STK32C: variants seen among roughly 807,000 people sequenced by gnomAD.
The protein encoded by STK32C is serine/threonine kinase 32C.
Under a neutral mutation model 56.5 loss-of-function variants are expected in STK32C, and 31 were observed. The observed-to-expected ratio is 0.55, with a 90% CI of 0.41 to 0.74. The LOEUF is 0.74. STK32C is among the 30% of genes least tolerant of loss of function. The pLI is 0.00. For missense variants in STK32C, 544 were observed against 676.9 expected (o/e 0.80, Z 2.18); for synonymous variants, 309 against 289.4 (o/e 1.07, Z -0.69).
intron 2 of STK32C, among the ~76,000 whole-genome samples, chr10:132,239,196 G>C (rs968076058): frequency 6.6e-6 from 1 of 152,210 alleles, no homozygotes; most frequent in Admixed American, 6.5e-5. Flanking sequence ...GAGGGCTCAG[G>C]ACAAGAGCAC....
At chr10:132,328,708 CTT>C (rs1189039745) in intron 1 of STK32C, among the ~76,000 whole-genome samples, 6 of 152,230 alleles carry the variant, frequency 3.9e-5, no homozygotes, top group African/African-American at 7.2e-5. Context: ...GGTCTGATCT[CTT>C]TCACTGTCAT....
intron 1 of STK32C, among the ~76,000 whole-genome samples, chr10:132,299,418 G>A (rs2065849534): frequency 6.6e-6 from 1 of 150,976 alleles, no homozygotes. Context: ...CTAGCAGCAT[G>A]GACAGCTGAT....
chr10:132,232,331 C>T (rs1479695620), intron 2 of STK32C, among the ~76,000 whole-genome samples: 2 of 152,200 alleles, frequency 1.3e-5, no homozygotes, highest in Non-Finnish European at 2.9e-5. Context: ...CATCAAAGTG[C>T]TCTTAGGTGA....
In STK32C at chr10:132,307,567, C is replaced by T. The variant is rs2066117537; in HGVS notation, c.262+5G>A. 1 of 1,550,010 alleles carries T rather than the reference C, an allele frequency of 6.5e-7. No homozygotes were observed. Among genetic ancestry groups the T allele is most frequent in the Non-Finnish European group, 8.7e-7 (1 of 1,151,018 alleles). Reference sequence around the variant, plus strand: ...CCCCCACGTCGTCCCCGTGCCCGCACTCACCGTCCTCCTTGTCGTCAAACA... The same window carrying T: ...CCCCCACGTCGTCCCCGTGCCCGCATTCACCGTCCTCCTTGTCGTCAAACA... On this transcript the variant is annotated splice_donor_5th_base_variant and intron_variant, in intron 1 of 11. Coordinates refer to ENST00000298630, the MANE Select transcript of STK32C (RefSeq NM_173575.4). This position sits in a 1 kb window ranked among gnomAD's most constrained non-coding sequence, Gnocchi z 4.4.
chr10:132,320,455 G>A (rs1216833210), downstream of STK32C, among the ~76,000 whole-genome samples: 3 of 152,122 alleles, frequency 2.0e-5, no homozygotes, highest in Non-Finnish European at 4.4e-5. Context: ...CTTAAGAGTG[G>A]GAAGAGGGTG....
intron 1 of STK32C, among the ~76,000 whole-genome samples, chr10:132,282,940 G>A (rs892169216): frequency 1.3e-4 from 20 of 152,378 alleles, no homozygotes; most frequent in Middle Eastern, 6.8e-3. Context: ...CAGCCCCTCT[G>A]AGGCTGGGGT....
intron 2 of STK32C, among the ~76,000 whole-genome samples, chr10:132,240,936 G>A (rs2063479278): frequency 6.6e-6 from 1 of 152,084 alleles, no homozygotes; most frequent in African/African-American, 2.4e-5. Context: ...ACACGCCTCT[G>A]CCTCCTGATA....
Position 132,207,733 on chromosome 10 carries a change from T to C in STK32C, c.*277A>G. On this transcript the variant is annotated 3_prime_UTR_variant, in exon 12 of 12. Transcript: ENST00000298630. ...CTCCTGTCCCATCCATGGCCCCAGC[T>C]CCCCGTGAGCGGTAAGAGGGCGCCC... The C allele has an allele frequency of 3.0e-6, 1 of 330,240 alleles. No homozygotes were observed. The highest frequency in any genetic ancestry group is 5.4e-6 in the Non-Finnish European group (1 of 184,564). The allele number at this position is 330,240 out of a possible 1,614,324, so 20.5% of individuals were successfully genotyped here.
intron 2 of STK32C, among the ~76,000 whole-genome samples, chr10:132,242,774 C>T (rs1411018585): frequency 1.3e-5 from 2 of 152,222 alleles, no homozygotes; most frequent in East Asian, 3.9e-4. Context: ...AATTCGTATG[C>T]TTTTCCTCCT....
rs1030073010 is a variant in STK32C at position 132,325,446 on chromosome 10, G to C, written c.302-1073C>G. ...CGGGTGCCTGTAGTCCCAGCTACTC[G>C]GGAGGCTGAGGCAGGAGAATGGCGT... On this transcript the variant is annotated intron_variant, in intron 1 of 1. Coordinates refer to the STK32C transcript ENST00000368619. Among the ~76,000 whole-genome samples the C allele has an allele frequency of 8.4e-4, 128 of 151,756 alleles. 1 individual carries two copies. Among genetic ancestry groups the C allele is most frequent in the African/African-American group, 3.0e-3 (126 of 41,426 alleles).
intron 1 of STK32C, among the ~76,000 whole-genome samples, chr10:132,265,917 C>T (rs887627465): frequency 1.2e-4 from 19 of 152,186 alleles, no homozygotes; most frequent in African/African-American, 2.9e-4. Context: ...GTGCCGTGCA[C>T]GGCCGCTTGG....
chr10:132,230,910 G>A (rs1178552663), intron 2 of STK32C, among the ~76,000 whole-genome samples: 7 of 152,160 alleles, frequency 4.6e-5, no homozygotes, highest in African/African-American at 7.2e-5. Flanking sequence ...CTTCCCTTGG[G>A]GTGCTCAACC....
chr10:132,330,536 G>A (rs2066643563), intron 1 of STK32C: 2 of 716,160 alleles, frequency 2.8e-6, no homozygotes, highest in Non-Finnish European at 5.2e-6. Flanking sequence ...TTGAGACAGG[G>A]TCTCGCTGTC....
At chr10:132,316,185 TAAAA>T (rs1428844921) in intron 1 of STK32C, among the ~76,000 whole-genome samples, 1 of 151,920 alleles carries the variant, frequency 6.6e-6, no homozygotes, top group East Asian at 1.9e-4. Flanking sequence ...ATTTGCCAAT[TAAAA>T]AGAAAATAAA....
intron 2 of STK32C, among the ~76,000 whole-genome samples, chr10:132,229,483 G>A (rs1478130336): frequency 6.6e-6 from 1 of 152,234 alleles, no homozygotes; most frequent in Non-Finnish European, 1.5e-5. Context: ...GTGACAGGGC[G>A]AGACCCTGTC....
chr10:132,208,922 G>A (rs1200409756), intron 11 of STK32C, 112 bp downstream of exon 11: 6 of 963,118 alleles, frequency 6.2e-6, no homozygotes, highest in Non-Finnish European at 9.6e-6. Flanking sequence ...AAGAGAGCAG[G>A]GCCACGCACC....
intron 8 of STK32C, among the ~76,000 whole-genome samples, 177 bp downstream of exon 8, chr10:132,224,230 G>C (rs530406941): frequency 6.6e-6 from 1 of 152,156 alleles, no homozygotes; most frequent in Non-Finnish European, 1.5e-5. Flanking sequence ...CCACCAGCTC[G>C]CTTCCTGGGG....
chr10:132,235,254 T>C (rs560062287), intron 2 of STK32C, among the ~76,000 whole-genome samples: 1 of 152,216 alleles, frequency 6.6e-6, no homozygotes, highest in East Asian at 1.9e-4. Context: ...TCTCAATACT[T>C]TGAGAGGCGG....
chr10:132,228,090 G>A lies in STK32C; in HGVS notation c.357C>T (p.Tyr119=), dbSNP rs139010913. 4.0e-5 allele frequency: 64 copies of A among 1,613,904 alleles called. No homozygotes were observed. In the Middle Eastern group the frequency reaches 2.1e-3, roughly 54 times the overall value. Residue 119 remains tyrosine, a synonymous_variant, in exon 3 of 12, where the codon TAC becomes TAT. Transcript: ENST00000298630. ...IVQKRDTEKM[Y]AMKYMNKQQC... ...GCTGCTTGTTCATGTACTTCATGGC[G>A]TACATCTTCTCCGTGTCCCGCTTCT...
Sources: gnomAD v4.1 joint callset for allele counts (sites outside exome capture counted in the v4.1 genomes callset) on GRCh38, gnomAD v4.1.1 for gene constraint, Gnocchi (gnomAD v3.1) non-coding constraint, MANE v1.5 for transcripts, NCBI Gene and HGNC (gene_info 2026-07-23, HGNC 2026-07-21) for gene names.